Variants in CGNL1 observed in about 807,000 individuals in gnomAD.
CGNL1 encodes the protein cingulin-like protein 1.
In CGNL1, 132 loss-of-function variants were observed where a neutral mutation model predicts 141.2. The ratio of observed to expected loss-of-function variants is 0.93; its 90% CI spans 0.81 to 1.08. CGNL1 has a LOEUF of 1.08. Among genes scored for constraint, CGNL1 ranks in the 50% least tolerant of loss-of-function variants. The pLI is 0.00. For missense variants in CGNL1, 1,870 were observed against 1,588.6 expected, an observed-to-expected ratio of 1.18 and a Z score of -3.01; for synonymous variants, 690 against 622.1, an observed-to-expected ratio of 1.11 and a Z score of -1.63.
intron 1 of CGNL1, among the ~76,000 whole-genome samples, chr15:57,404,400 G>C (rs550966590): frequency 6.6e-6 from 1 of 152,338 alleles, no homozygotes; most frequent in African/African-American, 2.4e-5. Context: ...GAAGAATGCA[G>C]TTCTAATAAA....
At position 57,453,785 on chromosome 15, in the gene CGNL1, A is replaced by G. The variant is rs1183294259; in HGVS notation, c.2157A>G (p.Arg719=). 4 of 1,613,740 alleles carry G rather than the reference A, an allele frequency of 2.5e-6. No individual in the cohort carries two copies. Among genetic ancestry groups the G allele is most frequent in the Admixed American group, 3.3e-5 (2 of 59,996 alleles). The change falls in exon 7 of 19, where the codon CGA becomes CGG. Residue 719 remains arginine (R), a synonymous_variant. Coordinates refer to ENST00000281282, the MANE Select transcript of CGNL1 (RefSeq NM_032866.5). Reference sequence around the variant, plus strand: ...ACGATGAACTGGACAGTGCAAAGCGATCGGAGGACAGGGAGAAGGGAGCTC... The same window carrying G: ...ACGATGAACTGGACAGTGCAAAGCGGTCGGAGGACAGGGAGAAGGGAGCTC... ...EMHDELDSAK[R]SEDREKGALI... is the part of the protein sequence containing the mutation.
intron 10 of CGNL1, among the ~76,000 whole-genome samples, chr15:57,520,892 A>T (rs1285363038): frequency 2.0e-5 from 3 of 152,146 alleles, no homozygotes; most frequent in Admixed American, 6.5e-5. Context: ...CTCACCTGCA[A>T]CTTGTTTGTC....
chr15:57,400,118 C>T (rs560500063), intron 1 of CGNL1, among the ~76,000 whole-genome samples: 16 of 151,946 alleles, frequency 1.1e-4, no homozygotes, highest in South Asian at 2.1e-4. Context: ...CTAAGCCTCT[C>T]GAGTAGTTGG....
Position 57,439,600 on chromosome 15 carries a change from A to G in CGNL1, c.1601A>G (p.Gln534Arg), listed in dbSNP as rs1595706756. 1 of 1,612,072 alleles carries G rather than the reference A, an allele frequency of 6.2e-7. No individual in the cohort carries two copies. The highest frequency in any genetic ancestry group is 8.5e-7 in the Non-Finnish European group (1 of 1,179,282). ...ACATTTCCTTCGGCCTCAAATACTC[A>G]GGTAACACTAGTGCGATTCCTGTTT... Reference protein sequence around the residue: ...VKTFPSASNTQATPDLLKGQQ... With the variant: ...VKTFPSASNTRATPDLLKGQQ... Residue 534 changes from glutamine to arginine, a missense_variant and splice_region_variant, in exon 2 of 19, where the codon CAG becomes CGG. By Grantham distance (43) the Gln-to-Arg change is conservative. Transcript: ENST00000281282.
chr15:57,458,107 G>T (rs2063401532), intron 7 of CGNL1, among the ~76,000 whole-genome samples: 1 of 152,094 alleles, frequency 6.6e-6, no homozygotes, highest in Non-Finnish European at 1.5e-5. Flanking sequence ...CATCTCTCTG[G>T]ATTGTTAGAA....
At chr15:57,394,649 C>G (rs558292705) in intron 1 of CGNL1, among the ~76,000 whole-genome samples, 1 of 152,210 alleles carries the variant, frequency 6.6e-6, no homozygotes, top group Admixed American at 6.5e-5. Flanking sequence ...ATCAGTGTTA[C>G]AAATGACCTA....
intron 8 of CGNL1, among the ~76,000 whole-genome samples, chr15:57,510,327 G>A (rs2030167163): frequency 6.6e-6 from 1 of 152,238 alleles, no homozygotes; most frequent in Non-Finnish European, 1.5e-5. Flanking sequence ...GCTCTGTGAG[G>A]CCAGGTCCAG....
chr15:57,476,404 C>G (rs1221072851), intron 8 of CGNL1, among the ~76,000 whole-genome samples: 1 of 152,130 alleles, frequency 6.6e-6, no homozygotes, highest in African/African-American at 2.4e-5. Context: ...CATTTTTATG[C>G]CTTTTATAGT....
chr15:57,545,642 A>T lies in CGNL1; in HGVS notation c.3551A>T (p.Lys1184Met). ...LSNRRLERKV[K>M]ELVMQVDDEH... The stretch of plus-strand genomic sequence containing the variant: ...AACCGGCGGCTGGAGCGGAAAGTGA[A>T]GGAGCTGGTGATGCAGGTGGATGAT... Residue 1184 changes from lysine (K) to methionine (M), a missense_variant, in exon 17 of 19, where the codon AAG becomes ATG. Transcript: ENST00000281282. The T allele has an allele frequency of 6.2e-7, 1 of 1,613,820 alleles. No individual in the cohort carries two copies. The highest frequency in any genetic ancestry group is 8.5e-7 in the Non-Finnish European group (1 of 1,179,942).
At chr15:57,480,912 A>G (rs2063716737) in intron 8 of CGNL1, among the ~76,000 whole-genome samples, 1 of 152,028 alleles carries the variant, frequency 6.6e-6, no homozygotes, top group African/African-American at 2.4e-5. Context: ...ACTTTGTTTG[A>G]TATGTCATTG....
intron 8 of CGNL1, among the ~76,000 whole-genome samples, chr15:57,470,027 C>G (rs908343040): frequency 2.6e-5 from 4 of 152,232 alleles, no homozygotes; most frequent in Admixed American, 1.3e-4. Context: ...AGGGAAACAG[C>G]AAAAATTCCT....
chr15:57,538,473 T>C (rs55649463), intron 14 of CGNL1, among the ~76,000 whole-genome samples: 1,514 of 147,484 alleles, frequency 0.01, 32 homozygotes, highest in African/African-American at 0.035. Flanking sequence ...TTCCTTTTTT[T>C]GCCCCCCTTT....
At chr15:57,540,506 A>G (rs1487492163) in intron 14 of CGNL1, among the ~76,000 whole-genome samples, 10 of 152,190 alleles carry the variant, frequency 6.6e-5, no homozygotes, top group Admixed American at 2.0e-4. Flanking sequence ...CTCCCATGAC[A>G]CTGGGGATTG....
intron 8 of CGNL1, among the ~76,000 whole-genome samples, chr15:57,462,620 A>G (rs185542129): frequency 6.6e-6 from 1 of 152,214 alleles, no homozygotes; most frequent in Non-Finnish European, 1.5e-5. Flanking sequence ...ATAGGTTAAA[A>G]ATGATGAAGA....
chr15:57,519,857 C>G (rs958231136), intron 10 of CGNL1, among the ~76,000 whole-genome samples: 2 of 152,182 alleles, frequency 1.3e-5, no homozygotes, highest in African/African-American at 4.8e-5. Context: ...AGCTATGGGT[C>G]TCTCAGAACC....
intron 1 of CGNL1, among the ~76,000 whole-genome samples, chr15:57,414,748 A>G (rs1169606514): frequency 6.6e-6 from 1 of 152,182 alleles, no homozygotes; most frequent in Non-Finnish European, 1.5e-5. Context: ...CAATCAAATG[A>G]TTGGTTTCTT....
rs1205071931 is a variant in CGNL1 at position 57,549,484 on chromosome 15, C to T, written c.*1994C>T. 1 of 152,220 alleles carries T rather than the reference C, an allele frequency of 6.6e-6. No homozygotes were observed. The highest frequency in any genetic ancestry group is 1.5e-5 in the Non-Finnish European group (1 of 68,088). 9.4% of individuals were successfully genotyped at this position (152,220 alleles called of 1,614,324 possible). A position where few individuals can be genotyped will look rare whatever the true frequency, so the allele number is the denominator to read the frequency against. On this transcript the variant is annotated 3_prime_UTR_variant, in exon 19 of 19. Transcript: ENST00000281282. ...TTAAGGGTGGGAGTCTGGAGCCAGA[C>T]AGCCAAGCCCCTTCCACATCTACAG...
At chr15:57,390,666 T>A (rs1434333955) in intron 1 of CGNL1, among the ~76,000 whole-genome samples, 4 of 152,068 alleles carry the variant, frequency 2.6e-5, no homozygotes, top group African/African-American at 9.7e-5. Context: ...AAAAATCATA[T>A]GCATTTGGTG....
intron 8 of CGNL1, among the ~76,000 whole-genome samples, chr15:57,468,228 CTTTTTCTTTTTTTTT>C (rs1354618825): frequency 3.1e-5 from 2 of 64,816 alleles, no homozygotes; most frequent in African/African-American, 5.1e-5. Context: ...CTTTTCTTTT[CTTTTTCTTTTTTTTT>C]TTTTTTTTTT....
Sources: allele counts gnomAD v4.1 joint callset (sites outside exome capture counted in the v4.1 genomes callset), GRCh38; gene constraint gnomAD v4.1.1; transcripts MANE v1.5; gene names NCBI Gene and HGNC (gene_info 2026-07-23, HGNC 2026-07-21).